Variants in GRB14 observed in about 807,000 individuals in gnomAD.
The protein encoded by GRB14 is growth factor receptor bound protein 14.
A neutral mutation model predicts 69.1 loss-of-function variants in GRB14; 38 were observed. The ratio of observed to expected loss-of-function variants is 0.55; its 90% CI spans 0.42 to 0.72. GRB14 has a LOEUF of 0.72. Ranked by LOEUF, GRB14 falls within the 30% of genes least tolerant of loss-of-function variation. The pLI is 0.00. For missense variants in GRB14, 666 were observed against 666.1 expected, an observed-to-expected ratio of 1.00 and a Z score of 0.00; for synonymous variants, 247 against 241.3, an observed-to-expected ratio of 1.02 and a Z score of -0.22.
intron 6 of GRB14, among the ~76,000 whole-genome samples, chr2:164,511,565 G>A (rs1242350648): frequency 2.0e-5 from 3 of 152,114 alleles, no homozygotes; most frequent in Non-Finnish European, 4.4e-5. Context: ...TCCATCACCT[G>A]CTGACTAAGA....
intron 2 of GRB14, among the ~76,000 whole-genome samples, chr2:164,568,821 T>A (rs1418577561): frequency 6.6e-6 from 1 of 152,136 alleles, no homozygotes; most frequent in Non-Finnish European, 1.5e-5. Flanking sequence ...TGAACTAAAT[T>A]TACTTATGCT....
intron 2 of GRB14, among the ~76,000 whole-genome samples, chr2:164,587,328 A>G (rs1384903295): frequency 6.6e-6 from 1 of 152,216 alleles, no homozygotes; most frequent in Non-Finnish European, 1.5e-5. Flanking sequence ...CCTTAAATAC[A>G]GAGCCCCTCA....
intron 6 of GRB14, among the ~76,000 whole-genome samples, chr2:164,514,455 C>T (rs1687426284): frequency 6.6e-6 from 1 of 152,114 alleles, no homozygotes; most frequent in South Asian, 2.1e-4. Flanking sequence ...GTCCAGATCA[C>T]AGGAGAAGGA....
chr2:164,504,059 T>G (rs564246730), intron 8 of GRB14, among the ~76,000 whole-genome samples: 1 of 152,152 alleles, frequency 6.6e-6, no homozygotes. Context: ...ACTAGGACAT[T>G]ACATGTGAGA....
intron 2 of GRB14, among the ~76,000 whole-genome samples, chr2:164,616,082 T>C (rs1690285577): frequency 6.6e-6 from 1 of 152,080 alleles, no homozygotes; most frequent in Non-Finnish European, 1.5e-5. Flanking sequence ...CAAAGAAAGA[T>C]GCCTAGGAAA....
chr2:164,510,593 C>G (rs1687314252), intron 6 of GRB14, among the ~76,000 whole-genome samples: 1 of 152,130 alleles, frequency 6.6e-6, no homozygotes, highest in Non-Finnish European at 1.5e-5. Context: ...AGGGGCAGAG[C>G]AAGATGTCTG....
chr2:164,610,298 T>C (rs1690136583), intron 2 of GRB14, among the ~76,000 whole-genome samples: 1 of 152,192 alleles, frequency 6.6e-6, no homozygotes, highest in African/African-American at 2.4e-5. Flanking sequence ...CACTTAATCT[T>C]TTCTAAAGCT....
intron 2 of GRB14, among the ~76,000 whole-genome samples, chr2:164,590,404 A>G (rs926635349): frequency 5.3e-5 from 8 of 152,246 alleles, no homozygotes; most frequent in African/African-American, 1.7e-4. Flanking sequence ...AGCAGTAACT[A>G]TAACAGTAGA....
Position 164,524,985 on chromosome 2 carries a change from T to A in GRB14, c.678+19A>T. On this transcript the variant is annotated intron_variant, in intron 5 of 13. Transcript: ENST00000263915. ...TCATTATGCTATTATTTATATATGT[T>A]AATAAAAATATATTTTACCTGCAAA... The A allele has an allele frequency of 7.1e-7, 1 of 1,403,238 alleles. No individual in the cohort carries two copies. Among genetic ancestry groups the A allele is most frequent in the South Asian group, 1.3e-5 (1 of 78,348 alleles). The allele number at this position is 1,403,238 out of a possible 1,614,324, so 86.9% of individuals were successfully genotyped here.
chr2:164,526,667 G>C (rs528439075), intron 4 of GRB14, among the ~76,000 whole-genome samples: 4 of 152,040 alleles, frequency 2.6e-5, no homozygotes, highest in Admixed American at 2.6e-4. Context: ...ATCTGGGTGA[G>C]AACCTATAGA....
intron 2 of GRB14, among the ~76,000 whole-genome samples, chr2:164,607,448 T>C (rs1327264428): frequency 2.0e-5 from 3 of 152,234 alleles, no homozygotes; most frequent in Non-Finnish European, 4.4e-5. Context: ...TGAATCCATA[T>C]ATATGTGAAC....
At chr2:164,521,917 C>A (rs13015232) in intron 6 of GRB14, 63 bp downstream of exon 6, 164,783 of 1,373,344 alleles carry the variant, frequency 0.12, 10,581 homozygotes, top group Middle Eastern at 0.17. Context: ...ACAACAAAGT[C>A]AACGTGTTTT....
intron 3 of GRB14, among the ~76,000 whole-genome samples, chr2:164,529,178 A>T (rs1309519100): frequency 6.6e-6 from 1 of 152,206 alleles, no homozygotes; most frequent in Non-Finnish European, 1.5e-5. Context: ...ATGCTGTATG[A>T]TTCCACTTAT....
At chr2:164,512,920 T>A (rs1687376864) in intron 6 of GRB14, among the ~76,000 whole-genome samples, 1 of 152,238 alleles carries the variant, frequency 6.6e-6, no homozygotes, top group Non-Finnish European at 1.5e-5. Flanking sequence ...GATCACTATT[T>A]GTCTTCTAAG....
chr2:164,566,157 T>A (rs1688967708), intron 2 of GRB14, among the ~76,000 whole-genome samples: 1 of 152,224 alleles, frequency 6.6e-6, no homozygotes, highest in East Asian at 1.9e-4. Flanking sequence ...ATGCTTGTAC[T>A]GATTTATAAG....
chr2:164,599,684 G>A (rs527609491), intron 2 of GRB14, among the ~76,000 whole-genome samples: 1 of 152,300 alleles, frequency 6.6e-6, no homozygotes, highest in South Asian at 2.1e-4. Flanking sequence ...ATTTGCATAT[G>A]CACTAAGTCT....
Position 164,526,335 on chromosome 2 carries a change from C to T in GRB14, c.603+679G>A, listed in dbSNP as rs965116817. The stretch of plus-strand genomic sequence containing the variant: ...ACAAAAACAATTTAAAATAATGAGC[C>T]CAGAGGCTATTCTGACTTTTCTAGA... On this transcript the variant is annotated intron_variant, in intron 4 of 13. Coordinates refer to ENST00000263915, the MANE Select transcript of GRB14 (RefSeq NM_004490.3). Among the ~76,000 whole-genome samples, 7 of 151,856 alleles carry T rather than the reference C, an allele frequency of 4.6e-5. No homozygotes were observed. The South Asian group carries it at 1.0e-3, about 23-fold the overall frequency.
intron 8 of GRB14, among the ~76,000 whole-genome samples, chr2:164,503,012 T>C (rs1218697537): frequency 1.3e-5 from 2 of 151,944 alleles, no homozygotes; most frequent in Non-Finnish European, 2.9e-5. Context: ...TCATATGGAT[T>C]GAGCTGGCAG....
chr2:164,543,354 A>G (rs1688287131), intron 3 of GRB14, among the ~76,000 whole-genome samples: 1 of 152,110 alleles, frequency 6.6e-6, no homozygotes, highest in South Asian at 2.1e-4. Context: ...CTATGAAGCC[A>G]TAAAAAAAAG....
Sources: gnomAD v4.1 joint callset for allele counts (sites outside exome capture counted in the v4.1 genomes callset) on GRCh38, gnomAD v4.1.1 for gene constraint, MANE v1.5 for transcripts, NCBI Gene and HGNC (gene_info 2026-07-23, HGNC 2026-07-21) for gene names.